FMNL2: variants seen among roughly 807,000 people sequenced by gnomAD.
The protein encoded by FMNL2 is formin-like protein 2.
FMNL2 carries 51 observed loss-of-function variants against 130.2 expected under a neutral mutation model. The ratio of observed to expected loss-of-function variants is 0.39; its 90% CI spans 0.31 to 0.49. FMNL2 has a LOEUF of 0.49. Among genes scored for constraint, FMNL2 ranks in the 20% least tolerant of loss-of-function variants. FMNL2 has a pLI of 0.85. For synonymous variants in FMNL2, 465 were observed against 467.1 expected (o/e 1.00, Z 0.06); for missense variants, 977 against 1,316.2 (o/e 0.74, Z 3.99).
intron 4 of FMNL2, among the ~76,000 whole-genome samples, chr2:152,554,803 A>G (rs932383209): frequency 6.6e-6 from 1 of 152,182 alleles, no homozygotes; most frequent in African/African-American, 2.4e-5. Flanking sequence ...TTTGTCAGTT[A>G]TTTTTACAAG....
At chr2:152,569,546 G>C (rs1160959825) in intron 6 of FMNL2, among the ~76,000 whole-genome samples, 1 of 151,792 alleles carries the variant, frequency 6.6e-6, no homozygotes, top group East Asian at 1.9e-4. Flanking sequence ...GCCGGGCGTG[G>C]TGGTGCCACC....
chr2:152,335,655 A>G lies in FMNL2; in HGVS notation c.52A>G (p.Asn18Asp). ...GCAGCAGACCGATTTCAGGGCGCAC[A>G]ACGTGCCTTTGAAGCTGCCGATGCC... ...DSQQTDFRAH[N>D]VPLKLPMPEP... Residue 18 changes from asparagine (N) to aspartate (D), a missense_variant, in exon 1 of 26, where the codon AAC (asparagine) becomes GAC (aspartate). Transcript: ENST00000288670. The G allele has an allele frequency of 1.9e-6, 3 of 1,594,374 alleles. No homozygotes were observed. Among genetic ancestry groups the G allele is most frequent in the Non-Finnish European group, 2.6e-6 (3 of 1,170,288 alleles).
intron 1 of FMNL2, among the ~76,000 whole-genome samples, chr2:152,456,810 C>A (rs1032197984): frequency 2.0e-5 from 3 of 151,872 alleles, no homozygotes; most frequent in Non-Finnish European, 4.4e-5. Flanking sequence ...CCAGGCGTGG[C>A]ACCTGTAGTC....
At chr2:152,475,123 G>A (rs904974558) in intron 1 of FMNL2, among the ~76,000 whole-genome samples, 3 of 152,204 alleles carry the variant, frequency 2.0e-5, no homozygotes, top group African/African-American at 4.8e-5. Flanking sequence ...AGTGAAGTAT[G>A]TGTAAAACCA....
Position 152,625,575 on chromosome 2 carries a change from T to C in FMNL2, c.1962+13T>C, listed in dbSNP as rs370653692. The C allele has an allele frequency of 1.1e-5, 17 of 1,599,782 alleles. No individual in the cohort carries two copies. The highest frequency in any genetic ancestry group is 1.3e-5 in the African/African-American group (1 of 74,814). ...GCGAATTCTGGAGGTATTTTTCTCATTGGTTAGAAACTAGAGGTGCACTCT... is the reference window on the plus strand; with the variant it reads ...GCGAATTCTGGAGGTATTTTTCTCACTGGTTAGAAACTAGAGGTGCACTCT... On this transcript the variant is annotated intron_variant, in intron 16 of 25. Transcript: ENST00000288670.
At position 152,560,799 on chromosome 2, in the gene FMNL2, G is replaced by T. The variant is rs1695478123; in HGVS notation, c.444-84G>T. On this transcript the variant is annotated intron_variant, in intron 5 of 25. Coordinates refer to ENST00000288670, the MANE Select transcript of FMNL2 (RefSeq NM_052905.4). ...TTCCATACTAAGGTGCAGATGTCTT[G>T]TAGGAACAGCAAGTTATACATGTTC... 2.3e-6 allele frequency: 3 copies of T among 1,312,746 alleles called. 1 individual carries two copies. The highest frequency in any genetic ancestry group is 1.6e-5 in the South Asian group (1 of 61,224). 81.3% of individuals were successfully genotyped at this position (1,312,746 alleles called of 1,614,324 possible). A position where few individuals can be genotyped will look rare whatever the true frequency, so the allele number is the denominator to read the frequency against.
intron 9 of FMNL2, among the ~76,000 whole-genome samples, chr2:152,588,976 A>G (rs923575599): frequency 2.0e-5 from 3 of 151,916 alleles, no homozygotes; most frequent in African/African-American, 7.3e-5. Context: ...TGTTTCAGAA[A>G]TCTTACCATT....
chr2:152,628,579 G>C, intron 18 of FMNL2, 46 bp downstream of exon 18: 1 of 1,526,378 alleles, frequency 6.6e-7, no homozygotes, highest in Non-Finnish European at 9.1e-7. Flanking sequence ...AAGAAATGTG[G>C]AATCGTTATT....
intron 21 of FMNL2, among the ~76,000 whole-genome samples, chr2:152,634,482 TAAG>T (rs1682414321): frequency 6.6e-6 from 1 of 152,130 alleles, no homozygotes; most frequent in African/African-American, 2.4e-5. Context: ...CAGGAACCAT[TAAG>T]ATCAACACAT....
rs564627848 is a variant in FMNL2, at chr2:152,587,320, C to CG, written c.876+6271_876+6272insG. On this transcript the variant is annotated intron_variant, in intron 9 of 25. Transcript: ENST00000288670. The stretch of plus-strand genomic sequence containing the variant: ...AATGGCTTCTCTTCTTGATGATTGG[C>CG]CGTCGGGTTACTGTGCAGAACATGT... Among the ~76,000 whole-genome samples, 936 of 152,300 alleles carry CG rather than the reference C, an allele frequency of 6.1e-3. 14 individuals are homozygous for CG. The highest frequency in any genetic ancestry group is 0.021 in the African/African-American group (892 of 41,556).
chr2:152,343,439 G>A (rs888562146), intron 1 of FMNL2, among the ~76,000 whole-genome samples: 25 of 152,200 alleles, frequency 1.6e-4, no homozygotes, highest in African/African-American at 5.8e-4. Context: ...GGGATTACAG[G>A]CACGCACCAC....
intron 1 of FMNL2, among the ~76,000 whole-genome samples, chr2:152,459,941 A>T (rs1689153511): frequency 6.6e-6 from 1 of 152,224 alleles, no homozygotes; most frequent in Admixed American, 6.5e-5. Flanking sequence ...TTTTCGTTTG[A>T]GTCCCTAGTC....
At chr2:152,610,248 A>G (rs150063050) in intron 10 of FMNL2, among the ~76,000 whole-genome samples, 1 of 152,352 alleles carries the variant, frequency 6.6e-6, no homozygotes, top group African/African-American at 2.4e-5. Flanking sequence ...CACATTTTGT[A>G]CAACATAACT....
chr2:152,369,030 A>G (rs1272426451), intron 1 of FMNL2, among the ~76,000 whole-genome samples: 1 of 152,198 alleles, frequency 6.6e-6, no homozygotes, highest in African/African-American at 2.4e-5. Context: ...TGTAGCTCTG[A>G]ATGAGATGCT....
chr2:152,336,092 A>AAAAAAAAACAAAAC (rs5835421), intron 1 of FMNL2, among the ~76,000 whole-genome samples: 8 of 132,336 alleles, frequency 6.0e-5, no homozygotes, highest in Admixed American at 3.6e-4. Context: ...TTTTTTTAAA[A>AAAAAAAAACAAAAC]AAAACAAAAC....
chr2:152,642,662 C>A (rs545714032), intron 25 of FMNL2, among the ~76,000 whole-genome samples: 2 of 152,156 alleles, frequency 1.3e-5, no homozygotes, highest in Non-Finnish European at 2.9e-5. Flanking sequence ...GGTCTCAGTG[C>A]CATAAAATGA....
intron 20 of FMNL2, among the ~76,000 whole-genome samples, chr2:152,631,784 T>TA (rs1161759079): frequency 6.6e-6 from 1 of 152,136 alleles, no homozygotes; most frequent in Non-Finnish European, 1.5e-5. Flanking sequence ...GTCATCCCTA[T>TA]AGTTAAGCAT....
At position 152,368,950 on chromosome 2, in the gene FMNL2, A is replaced by G. The variant is rs111833752; in HGVS notation, c.117+33230A>G. On this transcript the variant is annotated intron_variant, in intron 1 of 25. Coordinates refer to ENST00000288670, the MANE Select transcript of FMNL2 (RefSeq NM_052905.4). ...TTTTTGTGTGTGTGTTTTTTAAGGCATCAGGGTTATATCTGAATCATCATC... is the reference window on the plus strand; with the variant it reads ...TTTTTGTGTGTGTGTTTTTTAAGGCGTCAGGGTTATATCTGAATCATCATC... Among the ~76,000 whole-genome samples, 23 of 152,280 alleles carry G rather than the reference A, an allele frequency of 1.5e-4. 1 individual carries two copies. The highest frequency in any genetic ancestry group is 5.1e-4 in the African/African-American group (21 of 41,546).
At chr2:152,600,955 G>A (rs1698015613) in intron 9 of FMNL2, among the ~76,000 whole-genome samples, 1 of 152,132 alleles carries the variant, frequency 6.6e-6, no homozygotes, top group Non-Finnish European at 1.5e-5. Context: ...TTTCTGTGGA[G>A]CTTCCATGCC....
Sources: gnomAD v4.1 joint callset for allele counts (sites outside exome capture counted in the v4.1 genomes callset) on GRCh38, gnomAD v4.1.1 for gene constraint, MANE v1.5 for transcripts, NCBI Gene and HGNC (gene_info 2026-07-23, HGNC 2026-07-21) for gene names.